The following BLTP1 variants were observed in gnomAD, a reference collection of about 807,000 sequenced individuals.
BLTP1 encodes bridge-like lipid transfer protein family member 1.
At chr4:122,315,815 C>T in the BLTP1 span, 2 of 795,644 alleles carry the variant, frequency 2.5e-6, no homozygotes, top group Admixed American at 2.3e-5. Flanking sequence ...AATGGTGGTT[C>T]ACTGTGTCTA....
At chr4:122,173,260 G>T in the BLTP1 span, 1 of 1,188,866 alleles carries the variant, frequency 8.4e-7, no homozygotes, top group Non-Finnish European at 1.2e-6. Context: ...CATTTATAAA[G>T]AGAAGCAATT....
chr4:122,250,343 CT>C, the BLTP1 span: 366 of 1,571,498 alleles, frequency 2.3e-4, 1 homozygote, highest in African/African-American at 4.2e-3. Flanking sequence ...ATAATAAATG[CT>C]TTTTTTTATT....
the BLTP1 span, among the ~76,000 whole-genome samples, chr4:122,160,404 G>C: frequency 6.6e-6 from 1 of 151,982 alleles, no homozygotes; most frequent in Non-Finnish European, 1.5e-5. Flanking sequence ...AAGCAGAGAG[G>C]GTCCTACAAA....
chr4:122,167,752 C>G, the BLTP1 span: 1 of 985,414 alleles, frequency 1.0e-6, no homozygotes, highest in East Asian at 1.1e-4. Context: ...GCTCTGACAT[C>G]CAGCTCTAGG....
the BLTP1 span, chr4:122,270,787 T>A: frequency 6.0e-6 from 1 of 165,618 alleles, no homozygotes; most frequent in Non-Finnish European, 1.2e-5. Flanking sequence ...GAAGACTGAT[T>A]TTGACTTACT....
the BLTP1 span, chr4:122,304,697 C>A: frequency 1.3e-6 from 2 of 1,494,370 alleles, no homozygotes; most frequent in East Asian, 4.7e-5. Context: ...TGGTTTAAAA[C>A]ACGACTATTT....
At chr4:122,333,619 C>T in the BLTP1 span, 2 of 1,568,968 alleles carry the variant, frequency 1.3e-6, no homozygotes, top group East Asian at 4.5e-5. Flanking sequence ...GAACATTTTT[C>T]TGTTCACAGG....
At chr4:122,167,558 G>A in the BLTP1 span, 173 of 540,128 alleles carry the variant, frequency 3.2e-4, no homozygotes, top group East Asian at 0.021. Flanking sequence ...CTCCTGTGCC[G>A]CCTCCTGCCC....
the BLTP1 span, chr4:122,205,954 G>A: frequency 1.0e-6 from 1 of 984,976 alleles, no homozygotes; most frequent in Non-Finnish European, 1.2e-6. Flanking sequence ...GTGGAGGCCA[G>A]AAGATAAAGT....
chr4:122,279,409 G>C, the BLTP1 span, among the ~76,000 whole-genome samples: 1 of 152,102 alleles, frequency 6.6e-6, no homozygotes, highest in East Asian at 1.9e-4. Flanking sequence ...ATCCCCAAAG[G>C]CTTTTTATAA....
chr4:122,282,187 A>G, the BLTP1 span: 1 of 503,798 alleles, frequency 2.0e-6, no homozygotes, highest in Non-Finnish European at 2.6e-6. Flanking sequence ...CCCTTATATT[A>G]ATATATCCTA....
chr4:122,249,933 A>G, the BLTP1 span: 1 of 984,310 alleles, frequency 1.0e-6, no homozygotes, highest in Non-Finnish European at 1.2e-6. Context: ...ATAAATTCCC[A>G]AATAAAATAT....
the BLTP1 span, chr4:122,325,281 A>G: frequency 1.9e-6 from 3 of 1,609,792 alleles, no homozygotes; most frequent in South Asian, 2.2e-5. Flanking sequence ...TGGATGCAGC[A>G]TCTCCTGGAC....
chr4:122,185,513 A>AC, the BLTP1 span: 1 of 775,066 alleles, frequency 1.3e-6, no homozygotes, highest in Non-Finnish European at 1.6e-6. Context: ...TACTTAATGT[A>AC]ATTATGTCTT....
chr4:122,236,998 A>G, the BLTP1 span: 61 of 985,256 alleles, frequency 6.2e-5, no homozygotes, highest in Non-Finnish European at 7.2e-5. Flanking sequence ...TTGGAAGGTC[A>G]GTGAGCACTA....
At chr4:122,226,705 A>T in the BLTP1 span, 1 of 1,613,294 alleles carries the variant, frequency 6.2e-7, no homozygotes. Context: ...GATTATCTGT[A>T]GCTGGCATGC....
chr4:122,185,271 A>G, the BLTP1 span: 2 of 980,778 alleles, frequency 2.0e-6, no homozygotes, highest in African/African-American at 1.8e-5. Context: ...ATATCCGTAA[A>G]TGTTTGAATT....
the BLTP1 span, chr4:122,336,535 G>A: frequency 2.7e-4 from 152 of 562,602 alleles, no homozygotes; most frequent in African/African-American, 3.0e-3. Context: ...AAGAAACTAA[G>A]TCCTGGTGAG....
the BLTP1 span, chr4:122,227,416 T>G: frequency 1.0e-6 from 1 of 984,564 alleles, no homozygotes; most frequent in Non-Finnish European, 1.2e-6. Context: ...TATTGTGCAA[T>G]AAATACTCTC....
Sources: gnomAD v4.1 joint callset for allele counts (sites outside exome capture counted in the v4.1 genomes callset) on GRCh38, gnomAD v4.1.1 for gene constraint, MANE v1.5 for transcripts, NCBI Gene and HGNC (gene_info 2026-07-23, HGNC 2026-07-21) for gene names.